The following ADGRB3 variants were observed in gnomAD, a reference collection of about 807,000 sequenced individuals.
ADGRB3 encodes brain-specific angiogenesis inhibitor 3.
A neutral mutation model predicts 193.4 loss-of-function variants in ADGRB3; 37 were observed. That is an observed-to-expected ratio of 0.19 (90% confidence interval 0.15 to 0.25). The LOEUF (loss-of-function observed/expected upper bound fraction) is 0.25, where lower values mean the gene tolerates loss of function less well. Among genes scored for constraint, ADGRB3 ranks in the 10% least tolerant of loss-of-function variants. ADGRB3 has a pLI of 1.00. For missense variants in ADGRB3, 1,637 were observed against 1,852.9 expected, an observed-to-expected ratio of 0.88 and a Z score of 2.14; for synonymous variants, 690 against 644.2, an observed-to-expected ratio of 1.07 and a Z score of -1.08.
At chr6:68,818,914 A>G (rs901832348) in intron 3 of ADGRB3, among the ~76,000 whole-genome samples, 2 of 146,258 alleles carry the variant, frequency 1.4e-5, no homozygotes, top group Non-Finnish European at 3.0e-5. Flanking sequence ...CAGTATTTCT[A>G]TGAAAGATTG....
intron 17 of ADGRB3, among the ~76,000 whole-genome samples, chr6:69,197,965 C>A (rs779481): frequency 0.23 from 35,619 of 151,904 alleles, 4,969 homozygotes; most frequent in African/African-American, 0.39. Context: ...TACCTTTATT[C>A]CTCTCTGAGC....
At chr6:68,783,669 G>A (rs2127362419) in intron 3 of ADGRB3, among the ~76,000 whole-genome samples, 1 of 152,000 alleles carries the variant, frequency 6.6e-6, no homozygotes, top group Non-Finnish European at 1.5e-5. Flanking sequence ...AAGACAATCA[G>A]AAGGCACATC....
chr6:68,638,248 C>G (rs1008401462), intron 2 of ADGRB3, among the ~76,000 whole-genome samples: 2 of 152,092 alleles, frequency 1.3e-5, no homozygotes, highest in Non-Finnish European at 2.9e-5. Context: ...CCGCAGAGGA[C>G]AGAGAGAGAA....
chr6:69,302,621 G>A (rs1218384160), intron 20 of ADGRB3, among the ~76,000 whole-genome samples: 3 of 151,926 alleles, frequency 2.0e-5, no homozygotes, highest in Admixed American at 6.6e-5. Context: ...ATTACACACA[G>A]TACTCTATGG....
chr6:69,298,496 A>G (rs1350346828), intron 20 of ADGRB3, among the ~76,000 whole-genome samples: 2 of 151,840 alleles, frequency 1.3e-5, no homozygotes, highest in African/African-American at 4.8e-5. Context: ...CCTTCTAACT[A>G]TATTTTTGGG....
intron 17 of ADGRB3, among the ~76,000 whole-genome samples, chr6:69,168,862 ATAGTT>A (rs1270179194): frequency 2.0e-5 from 3 of 152,154 alleles, no homozygotes; most frequent in Non-Finnish European, 4.4e-5. Flanking sequence ...GAATTGATGT[ATAGTT>A]ACACTACAAA....
intron 17 of ADGRB3, among the ~76,000 whole-genome samples, chr6:69,078,541 A>T (rs972426998): frequency 6.6e-6 from 1 of 152,026 alleles, no homozygotes; most frequent in Non-Finnish European, 1.5e-5. Flanking sequence ...TACACTACCT[A>T]TATTTCATTC....
chr6:69,286,029 A>G (rs1456832564), intron 20 of ADGRB3, among the ~76,000 whole-genome samples: 5 of 152,058 alleles, frequency 3.3e-5, no homozygotes, highest in Admixed American at 6.6e-5. Context: ...GTCACTTTTG[A>G]AACTTGGGCC....
At chr6:69,040,325 C>CTTTCTTTCTTTT (rs1446775175) in intron 13 of ADGRB3, among the ~76,000 whole-genome samples, 6 of 43,492 alleles carry the variant, frequency 1.4e-4, no homozygotes, top group African/African-American at 4.1e-4. Context: ...TTCTTTCTTT[C>CTTTCTTTCTTTT]TTTCTTTCTT....
chr6:69,024,916 C>T (rs1411148615), intron 13 of ADGRB3, among the ~76,000 whole-genome samples: 1 of 151,946 alleles, frequency 6.6e-6, no homozygotes, highest in Non-Finnish European at 1.5e-5. Flanking sequence ...CATGGCGAAA[C>T]ACCGTCTCTA....
chr6:69,090,376 G>T (rs571015242), intron 17 of ADGRB3, among the ~76,000 whole-genome samples: 1 of 152,230 alleles, frequency 6.6e-6, no homozygotes, highest in East Asian at 1.9e-4. Context: ...TGATGTCATT[G>T]GACAGGCTAT....
chr6:69,323,940 T>C (rs1021608170), intron 20 of ADGRB3, among the ~76,000 whole-genome samples: 2 of 152,118 alleles, frequency 1.3e-5, no homozygotes, highest in East Asian at 1.9e-4. Context: ...AATTCTACTG[T>C]CTTTGTTTTG....
intron 17 of ADGRB3, among the ~76,000 whole-genome samples, chr6:69,144,722 A>G (rs1460132372): frequency 6.6e-6 from 1 of 152,112 alleles, no homozygotes; most frequent in African/African-American, 2.4e-5. Context: ...ATTGATTTGC[A>G]TATGTTGAAC....
intron 17 of ADGRB3, among the ~76,000 whole-genome samples, chr6:69,208,527 C>T (rs1456388713): frequency 6.6e-6 from 1 of 152,218 alleles, no homozygotes; most frequent in Non-Finnish European, 1.5e-5. Flanking sequence ...GATTTCCCGT[C>T]ACTGCTATCC....
At chr6:69,121,625 G>T (rs1188883036) in intron 17 of ADGRB3, among the ~76,000 whole-genome samples, 1 of 150,778 alleles carries the variant, frequency 6.6e-6, no homozygotes, top group Non-Finnish European at 1.5e-5. Flanking sequence ...TTCCCAGATG[G>T]GGCAGCGGGA....
At chr6:68,963,202 C>T (rs567453568) in intron 8 of ADGRB3, among the ~76,000 whole-genome samples, 4 of 152,166 alleles carry the variant, frequency 2.6e-5, no homozygotes, top group South Asian at 4.2e-4. Context: ...AACAAAGTAC[C>T]GACTTGGGCC....
At chr6:69,104,561 A>C (rs1035315527) in intron 17 of ADGRB3, among the ~76,000 whole-genome samples, 3 of 152,024 alleles carry the variant, frequency 2.0e-5, no homozygotes, top group Non-Finnish European at 2.9e-5. Context: ...AGATTTTTTC[A>C]ACATTTTAAT....
At chr6:69,058,975 T>C (rs1319750316) in intron 15 of ADGRB3, among the ~76,000 whole-genome samples, 1 of 152,050 alleles carries the variant, frequency 6.6e-6, no homozygotes, top group Non-Finnish European at 1.5e-5. Flanking sequence ...ATCTATAATG[T>C]TATTCATGTC....
At chr6:69,349,696 A>G (rs1032719954) in intron 26 of ADGRB3, among the ~76,000 whole-genome samples, 3 of 152,234 alleles carry the variant, frequency 2.0e-5, no homozygotes, top group Non-Finnish European at 4.4e-5. Flanking sequence ...AGGCCACATA[A>G]GAAACTCTTC....
Sources: gnomAD v4.1 joint callset for allele counts (sites outside exome capture counted in the v4.1 genomes callset) on GRCh38, gnomAD v4.1.1 for gene constraint, MANE v1.5 for transcripts, NCBI Gene and HGNC (gene_info 2026-07-23, HGNC 2026-07-21) for gene names.